Variants in TTC28 observed in about 807,000 individuals in gnomAD.
TTC28 encodes tetratricopeptide repeat protein 28.
Under a neutral mutation model 198.0 loss-of-function variants are expected in TTC28, and 61 were observed. That is an observed-to-expected ratio of 0.31 (90% CI 0.25 to 0.38). The LOEUF (loss-of-function observed/expected upper bound fraction) is 0.38, where lower values mean the gene tolerates loss of function less well. TTC28 is among the 10% of genes least tolerant of loss of function. The pLI is 1.00. For synonymous variants in TTC28, 1,171 were observed against 1,297.8 expected, an observed-to-expected ratio of 0.90 and a Z score of 2.10; for missense variants, 2,678 against 3,164.0, an observed-to-expected ratio of 0.85 and a Z score of 3.69.
Position 28,014,272 on chromosome 22 carries a change from G to C in TTC28, c.4194C>G (p.Asp1398Glu). Residue 1398 changes from aspartate (D) to glutamate (E), a missense_variant, in exon 14 of 23, where the codon GAC (aspartate) becomes GAG (glutamate). Physicochemically the swap from Asp to Glu is conservative, Grantham distance 45. Coordinates refer to ENST00000397906, the MANE Select transcript of TTC28 (RefSeq NM_001145418.2). ...FAKPPLRALY[D>E]LLIAPMEGGL... The stretch of plus-strand genomic sequence containing the variant: ...CCCCTTCCATGGGCGCGATGAGCAG[G>C]TCATACAGGGCACGGAGCGGGGGCT... 1 of 1,551,526 alleles carries C rather than the reference G, an allele frequency of 6.4e-7. No homozygotes were observed. The highest frequency in any genetic ancestry group is 8.7e-7 in the Non-Finnish European group (1 of 1,146,926).
intron 12 of TTC28, among the ~76,000 whole-genome samples, chr22:28,090,634 T>C (rs1397666464): frequency 6.6e-6 from 1 of 152,208 alleles, no homozygotes; most frequent in Non-Finnish European, 1.5e-5. Context: ...TTTTTAGAAA[T>C]GCAAAATCCA....
chr22:28,235,274 G>C (rs984436377), intron 5 of TTC28, among the ~76,000 whole-genome samples: 1 of 152,156 alleles, frequency 6.6e-6, no homozygotes, highest in Admixed American at 6.5e-5. Flanking sequence ...AGTAATATTT[G>C]TACTAGCATT....
At chr22:28,073,565 G>A (rs1601589420) in intron 12 of TTC28, among the ~76,000 whole-genome samples, 1 of 152,214 alleles carries the variant, frequency 6.6e-6, no homozygotes, top group Admixed American at 6.5e-5. Flanking sequence ...GGAGCGTAAA[G>A]CCTGAGAGAA....
chr22:28,450,703 G>C (rs1353811646), intron 2 of TTC28, among the ~76,000 whole-genome samples: 8 of 152,036 alleles, frequency 5.3e-5, no homozygotes, highest in Non-Finnish European at 1.0e-4. Flanking sequence ...GTGTTTCAGT[G>C]GTATAATCAT....
At chr22:28,627,092 C>A (rs1464396676) in intron 2 of TTC28, among the ~76,000 whole-genome samples, 1 of 152,014 alleles carries the variant, frequency 6.6e-6, no homozygotes, top group Non-Finnish European at 1.5e-5. Context: ...AGGCTCACTG[C>A]ATCAATTACA....
At chr22:28,310,463 C>T (rs1191396487) in intron 2 of TTC28, among the ~76,000 whole-genome samples, 1 of 152,174 alleles carries the variant, frequency 6.6e-6, no homozygotes, top group Non-Finnish European at 1.5e-5. Context: ...AAACAATTCA[C>T]TCTGCAAGTA....
chr22:28,379,414 T>C (rs1002493361), intron 2 of TTC28, among the ~76,000 whole-genome samples: 1 of 152,136 alleles, frequency 6.6e-6, no homozygotes, highest in Non-Finnish European at 1.5e-5. Context: ...AAATGTGATA[T>C]ATACATATAA....
At chr22:28,512,285 C>CA (rs1015918822) in intron 2 of TTC28, among the ~76,000 whole-genome samples, 1 of 151,612 alleles carries the variant, frequency 6.6e-6, no homozygotes, top group African/African-American at 2.4e-5. Context: ...ATAAAACAGT[C>CA]AAAAAACAGC....
At chr22:28,377,217 C>A (rs1207822260) in intron 2 of TTC28, among the ~76,000 whole-genome samples, 86 of 138,858 alleles carry the variant, frequency 6.2e-4, no homozygotes, top group African/African-American at 1.2e-3. Context: ...AAAAAAAAAA[C>A]CATGTAATAC....
intron 2 of TTC28, among the ~76,000 whole-genome samples, chr22:28,354,516 C>T (rs1403731498): frequency 6.6e-6 from 1 of 151,836 alleles, no homozygotes; most frequent in East Asian, 1.9e-4. Context: ...TTATCAGGGG[C>T]TGGGGGAGGA....
intron 2 of TTC28, among the ~76,000 whole-genome samples, chr22:28,616,317 A>G (rs1158564510): frequency 2.0e-5 from 3 of 152,212 alleles, no homozygotes; most frequent in Non-Finnish European, 4.4e-5. Flanking sequence ...TCTACCTCAC[A>G]AGATTATTGT....
intron 1 of TTC28, among the ~76,000 whole-genome samples, chr22:28,673,902 AAC>A (rs1426717009): frequency 6.6e-6 from 1 of 152,226 alleles, no homozygotes; most frequent in African/African-American, 2.4e-5. Context: ...GCTTCCCGCT[AAC>A]AGTTTTTAAA....
intron 1 of TTC28, among the ~76,000 whole-genome samples, chr22:28,637,397 C>A (rs2051292734): frequency 2.0e-5 from 3 of 152,244 alleles, no homozygotes; most frequent in South Asian, 4.1e-4. Flanking sequence ...CATGTGATAG[C>A]CAGTTTTCCC....
intron 6 of TTC28, among the ~76,000 whole-genome samples, chr22:28,147,782 A>G (rs769933774): frequency 2.0e-5 from 3 of 152,260 alleles, no homozygotes; most frequent in Non-Finnish European, 4.4e-5. Context: ...GAGGCATTCA[A>G]TAAGTGTCAT....
At chr22:28,613,757 A>C (rs990245922) in intron 2 of TTC28, among the ~76,000 whole-genome samples, 1 of 152,256 alleles carries the variant, frequency 6.6e-6, no homozygotes, top group Non-Finnish European at 1.5e-5. Flanking sequence ...CTTCATGATA[A>C]AAACTCTCAA....
At chr22:27,997,671 T>C (rs1257123704) in intron 16 of TTC28, 3 of 152,304 alleles carry the variant, frequency 2.0e-5, no homozygotes, top group African/African-American at 7.2e-5. Context: ...TTGCTCTAGA[T>C]TTTTGTAACA....
At chr22:28,268,050 T>TCCTTTAC (rs2147317989) in intron 5 of TTC28, among the ~76,000 whole-genome samples, 1 of 152,218 alleles carries the variant, frequency 6.6e-6, no homozygotes, top group Non-Finnish European at 1.5e-5. Context: ...CCTATTAGGG[T>TCCTTTAC]GGAGATGCAT....
At chr22:28,533,571 T>C (rs1207833837) in intron 2 of TTC28, among the ~76,000 whole-genome samples, 1 of 152,174 alleles carries the variant, frequency 6.6e-6, no homozygotes, top group Non-Finnish European at 1.5e-5. Flanking sequence ...TTAAAGCTCA[T>C]ATGGAACCAA....
intron 3 of TTC28, among the ~76,000 whole-genome samples, chr22:28,302,535 A>G (rs1483172910): frequency 6.6e-6 from 1 of 152,182 alleles, no homozygotes; most frequent in African/African-American, 2.4e-5. Flanking sequence ...TGGATATTAT[A>G]ATTTCTCTCT....
Sources: gnomAD v4.1 joint callset for allele counts (sites outside exome capture counted in the v4.1 genomes callset) on GRCh38, gnomAD v4.1.1 for gene constraint, MANE v1.5 for transcripts, NCBI Gene and HGNC (gene_info 2026-07-23, HGNC 2026-07-21) for gene names.